CACNA1B: variants seen among roughly 807,000 people sequenced by gnomAD.
The protein encoded by CACNA1B is calcium voltage-gated channel subunit alpha1 B, also known as voltage-dependent N-type calcium channel subunit alpha-1B.
A neutral mutation model predicts 247.2 loss-of-function variants in CACNA1B; 70 were observed. The ratio of observed to expected loss-of-function variants is 0.28; its 90% CI spans 0.23 to 0.35. CACNA1B has a LOEUF of 0.35. Ranked by LOEUF, CACNA1B falls within the 10% of genes least tolerant of loss-of-function variation. The pLI is 1.00. For synonymous variants in CACNA1B, 1,231 were observed against 1,294.4 expected, an observed-to-expected ratio of 0.95 and a Z score of 1.05; for missense variants, 2,367 against 3,197.4, an observed-to-expected ratio of 0.74 and a Z score of 6.26.
intron 19 of CACNA1B, among the ~76,000 whole-genome samples, chr9:138,024,027 C>T (rs1227787751): frequency 6.6e-6 from 1 of 152,102 alleles, no homozygotes; most frequent in Non-Finnish European, 1.5e-5. Context: ...CTTGGCAGGG[C>T]GTGTATGCTC....
At position 138,051,432 on chromosome 9, in the gene CACNA1B, G is replaced by C. The variant is rs1432777316; in HGVS notation, c.3711-660G>C. On this transcript the variant is annotated intron_variant, in intron 24 of 46. Transcript: ENST00000371372. This position sits in a 1 kb window ranked among gnomAD's most constrained non-coding sequence, Gnocchi z 4.3. ...TGTCTGCTGCTTTCTGGGTAGCATT[G>C]ATATGTCTGTCTCTATGGCTCTCCC... 6.6e-6 allele frequency among the ~76,000 whole-genome samples: 1 copy of C among 151,384 alleles called. No homozygotes were observed. Among genetic ancestry groups the C allele is most frequent in the Non-Finnish European group, 1.5e-5 (1 of 67,884 alleles).
chr9:137,892,732 C>A (rs555808020), intron 3 of CACNA1B, among the ~76,000 whole-genome samples: 1 of 152,320 alleles, frequency 6.6e-6, no homozygotes, highest in South Asian at 2.1e-4. Context: ...CGGTCCCACC[C>A]CAGCACCTGC....
chr9:137,897,796 C>T (rs1400072020), intron 3 of CACNA1B, among the ~76,000 whole-genome samples: 5 of 151,962 alleles, frequency 3.3e-5, no homozygotes, highest in Non-Finnish European at 7.4e-5. Flanking sequence ...TCTCCTGCCT[C>T]AGCCTCCCGA....
intron 37 of CACNA1B, chr9:138,101,066 T>C (rs750830198): frequency 2.0e-6 from 1 of 507,580 alleles, no homozygotes. Flanking sequence ...GGCTCCATCC[T>C]GCCTTTGTTG....
Position 138,096,545 on chromosome 9 carries a change from C to G in CACNA1B, c.5156C>G (p.Ser1719Cys). Residue 1719 changes from serine (S) to cysteine (C), a missense_variant, in exon 37 of 47, where the codon TCC (serine) becomes TGC (cysteine). Physicochemically the swap from Ser to Cys is moderately radical, Grantham distance 112. Coordinates refer to ENST00000371372, the MANE Select transcript of CACNA1B (RefSeq NM_000718.4). ...TTTGAGTACCTCACGCGGGACTCTT[C>G]CATCCTAGGTCCTCACCACTTGGAT... ...DNFEYLTRDSSILGPHHLDEF... is the reference protein window; with the variant it reads ...DNFEYLTRDSCILGPHHLDEF... The G allele has an allele frequency of 6.2e-7, 1 of 1,612,790 alleles. No homozygotes were observed. The highest frequency in any genetic ancestry group is 8.5e-7 in the Non-Finnish European group (1 of 1,179,044).
chr9:138,032,938 A>G (rs1364681253), intron 20 of CACNA1B, among the ~76,000 whole-genome samples: 1 of 151,932 alleles, frequency 6.6e-6, no homozygotes, highest in Non-Finnish European at 1.5e-5. Flanking sequence ...AAATTTGGAA[A>G]TTTTTCATCC....
intron 15 of CACNA1B, among the ~76,000 whole-genome samples, chr9:137,993,602 G>A (rs1250957117): frequency 2.0e-5 from 3 of 152,146 alleles, no homozygotes; most frequent in Non-Finnish European, 4.4e-5. Flanking sequence ...ACCTAGAGGA[G>A]ATGGATAAAT....
chr9:138,103,057 G>A (rs1961306723), intron 38 of CACNA1B, among the ~76,000 whole-genome samples: 1 of 151,972 alleles, frequency 6.6e-6, no homozygotes, highest in African/African-American at 2.4e-5. Context: ...TGCCCCCTTT[G>A]AGAGCCCCCT....
chr9:138,039,264 A>ATTT (rs1207975621), intron 20 of CACNA1B, among the ~76,000 whole-genome samples: 1 of 152,018 alleles, frequency 6.6e-6, no homozygotes, highest in African/African-American at 2.4e-5. Context: ...TGTAATTCAA[A>ATTT]TAGAAGATTG....
chr9:137,964,577 G>A (rs1958054529), intron 10 of CACNA1B, among the ~76,000 whole-genome samples: 1 of 152,124 alleles, frequency 6.6e-6, no homozygotes, highest in Non-Finnish European at 1.5e-5. Context: ...GGCTGTATTG[G>A]CTATCAGTTC....
Position 138,059,260 on chromosome 9 carries a change from T to C in CACNA1B, c.4584+71T>C, listed in dbSNP as rs906372963. On this transcript the variant is annotated intron_variant, in intron 30 of 46. Coordinates refer to ENST00000371372, the MANE Select transcript of CACNA1B (RefSeq NM_000718.4). This position sits in a 1 kb window ranked among gnomAD's most constrained non-coding sequence, Gnocchi z 4.2. ...GGTTCCCCATCTGTAGGGCGACCTT[T>C]GGGGGCTCACAATTTGGAGCTGGGA... The C allele has an allele frequency of 2.4e-6, 2 of 836,200 alleles. No homozygotes were observed. Among genetic ancestry groups the C allele is most frequent in the Admixed American group, 4.0e-5 (2 of 50,240 alleles). The allele number at this position is 836,200 out of a possible 1,614,324, so 51.8% of individuals were successfully genotyped here. A position where few individuals can be genotyped will look rare whatever the true frequency, so the allele number is the denominator to read the frequency against.
At chr9:138,097,038 G>A (rs1042154244) in intron 37 of CACNA1B, among the ~76,000 whole-genome samples, 5 of 151,642 alleles carry the variant, frequency 3.3e-5, no homozygotes, top group African/African-American at 9.7e-5. Flanking sequence ...TGTGAGACTC[G>A]ATGTAGGGTT....
At chr9:138,015,852 T>C (rs1958784814) in intron 18 of CACNA1B, among the ~76,000 whole-genome samples, 2 of 152,330 alleles carry the variant, frequency 1.3e-5, no homozygotes, top group East Asian at 1.9e-4. Context: ...TTCCTGGTTC[T>C]CTGCTGGGTC....
chr9:137,940,387 G>A (rs983660834), intron 6 of CACNA1B, among the ~76,000 whole-genome samples: 1 of 152,104 alleles, frequency 6.6e-6, no homozygotes. Context: ...TAGATACCCT[G>A]AACAGACCAA....
At chr9:138,009,113 A>C (rs1464973997) in intron 16 of CACNA1B, among the ~76,000 whole-genome samples, 1 of 152,234 alleles carries the variant, frequency 6.6e-6, no homozygotes, top group East Asian at 1.9e-4. Flanking sequence ...CCTTTTGCAA[A>C]GAAAAACACC....
rs943415265 is a variant in CACNA1B at position 138,092,313 on chromosome 9, A to G, written c.5095-4171A>G. ...GGTCGTCAACCACATAAGGCACACA[A>G]TCCCAGAGCAGCAGTCTGTAGGCCT... On this transcript the variant is annotated intron_variant, in intron 36 of 46. Transcript: ENST00000371372. 2.6e-5 allele frequency among the ~76,000 whole-genome samples: 4 copies of G among 152,164 alleles called. No individual in the cohort carries two copies. In the East Asian group the frequency reaches 5.8e-4, roughly 22 times the overall value.
chr9:138,121,378 C>G lies in CACNA1B; in HGVS notation c.6490-91C>G. 1 of 1,023,130 alleles carries G rather than the reference C, an allele frequency of 9.8e-7. No homozygotes were observed. The highest frequency in any genetic ancestry group is 1.4e-6 in the Non-Finnish European group (1 of 720,484). The allele number at this position is 1,023,130 out of a possible 1,614,324, so 63.4% of individuals were successfully genotyped here. Reference sequence around the variant, plus strand: ...GCCTCCCTCTCTCCTCCCATCCCCCCAGGCACCTGTGTGTGATGTGCTCTG... The same window carrying G: ...GCCTCCCTCTCTCCTCCCATCCCCCGAGGCACCTGTGTGTGATGTGCTCTG... On this transcript the variant is annotated intron_variant, in intron 46 of 46. Transcript: ENST00000371372. The surrounding 1 kb of genome is among the most constrained non-coding windows in gnomAD (Gnocchi z 6.8).
chr9:138,070,549 C>T (rs2133530593), intron 32 of CACNA1B, among the ~76,000 whole-genome samples: 1 of 152,322 alleles, frequency 6.6e-6, no homozygotes, highest in South Asian at 2.1e-4. Context: ...TTAGCTGTGA[C>T]TGTGGAAATT....
intron 3 of CACNA1B, among the ~76,000 whole-genome samples, chr9:137,911,262 T>A (rs546754281): frequency 5.2e-4 from 79 of 152,364 alleles, no homozygotes; most frequent in Middle Eastern, 6.8e-3. Context: ...AATAGTTTAC[T>A]GTTTTTATCT....
Sources: allele counts gnomAD v4.1 joint callset (sites outside exome capture counted in the v4.1 genomes callset), GRCh38; gene constraint gnomAD v4.1.1; non-coding constraint Gnocchi (gnomAD v3.1); transcripts MANE v1.5; gene names NCBI Gene and HGNC (gene_info 2026-07-23, HGNC 2026-07-21).